The following GBE1 variants were observed in gnomAD, a reference collection of about 807,000 sequenced individuals.
GBE1 encodes the protein 1,4-alpha-glucan-branching enzyme.
In GBE1, 70 loss-of-function variants were observed where a neutral mutation model predicts 88.8. The observed-to-expected ratio is 0.79, with a 90% CI of 0.65 to 0.96. The LOEUF (loss-of-function observed/expected upper bound fraction) is 0.96, where lower values mean the gene tolerates loss of function less well. Among genes scored for constraint, GBE1 ranks in the 40% least tolerant of loss-of-function variants. The pLI, the probability that GBE1 is intolerant of heterozygous loss-of-function variation, is 0.00. For missense variants in GBE1, 872 were observed against 871.0 expected, an observed-to-expected ratio of 1.00 and a Z score of -0.01; for synonymous variants, 284 against 300.1, an observed-to-expected ratio of 0.95 and a Z score of 0.56.
intron 1 of GBE1, among the ~76,000 whole-genome samples, chr3:81,716,821 C>A (rs946241517): frequency 3.9e-5 from 6 of 152,148 alleles, no homozygotes; most frequent in African/African-American, 1.4e-4. Context: ...ATTGACTTTA[C>A]AGTTTACTGA....
chr3:81,537,860 A>G (rs1185419562), intron 12 of GBE1, among the ~76,000 whole-genome samples: 1 of 151,892 alleles, frequency 6.6e-6, no homozygotes, highest in Admixed American at 6.6e-5. Context: ...GATCTATATA[A>G]TATTATCTCT....
chr3:81,660,932 TAC>T (rs1705019726), intron 3 of GBE1, among the ~76,000 whole-genome samples: 1 of 152,206 alleles, frequency 6.6e-6, no homozygotes, highest in Admixed American at 6.5e-5. Flanking sequence ...TTTGAAGGTA[TAC>T]TTGGTCAAAG....
chr3:81,724,177 T>C (rs760015820), intron 1 of GBE1, among the ~76,000 whole-genome samples: 4 of 152,172 alleles, frequency 2.6e-5, no homozygotes, highest in Non-Finnish European at 4.4e-5. Context: ...ATGGCTATAA[T>C]TGAGAAAAGC....
In GBE1 at chr3:81,701,513, G is replaced by GTTT. The variant is rs35771080; in HGVS notation, c.313+3928_313+3930dup. 2.7e-5 allele frequency among the ~76,000 whole-genome samples: 4 copies of GTTT among 147,222 alleles called. No individual in the cohort carries two copies. The Admixed American group carries it at 2.7e-4, about 10-fold the overall frequency. On this transcript the variant is annotated intron_variant, in intron 2 of 15. Coordinates refer to ENST00000429644, the MANE Select transcript of GBE1 (RefSeq NM_000158.4). ...TAAAAAGACCTTTGCAAATAAGAGG[G>GTTT]TTTTTTTTTTAATACTGCCAATTAA...
intron 11 of GBE1, 88 bp downstream of exon 11, chr3:81,581,077 A>C: frequency 2.7e-6 from 2 of 735,322 alleles, no homozygotes; most frequent in Non-Finnish European, 4.6e-6. Context: ...ATATTTCGAT[A>C]TGTTTATATT....
At chr3:81,507,010 C>A (rs1207895845) in intron 14 of GBE1, among the ~76,000 whole-genome samples, 1 of 151,998 alleles carries the variant, frequency 6.6e-6, no homozygotes, top group Non-Finnish European at 1.5e-5. Flanking sequence ...GTACAATGAA[C>A]CCCCATGACA....
At chr3:81,618,167 C>T (rs892238613) in intron 7 of GBE1, among the ~76,000 whole-genome samples, 7 of 151,908 alleles carry the variant, frequency 4.6e-5, no homozygotes, top group Non-Finnish European at 8.8e-5. Context: ...AGTCTGCTGG[C>T]AACAAATTAT....
intron 14 of GBE1, among the ~76,000 whole-genome samples, chr3:81,520,355 A>T (rs1559631928): frequency 1.3e-5 from 2 of 151,568 alleles, no homozygotes; most frequent in Non-Finnish European, 1.5e-5. Context: ...ACTATACTAT[A>T]TTAAACTGAA....
intron 12 of GBE1, among the ~76,000 whole-genome samples, chr3:81,545,049 T>A (rs1332508395): frequency 6.6e-6 from 1 of 152,184 alleles, no homozygotes; most frequent in East Asian, 1.9e-4. Flanking sequence ...AATGAGAATA[T>A]AAAAACGTTA....
chr3:81,576,377 G>C (rs1410523923), intron 12 of GBE1, among the ~76,000 whole-genome samples: 2 of 152,104 alleles, frequency 1.3e-5, no homozygotes, highest in African/African-American at 2.4e-5. Context: ...TGTATCTACA[G>C]ATACATAAGG....
At chr3:81,643,819 T>A (rs1443285666) in intron 6 of GBE1, among the ~76,000 whole-genome samples, 1 of 152,150 alleles carries the variant, frequency 6.6e-6, no homozygotes, top group Non-Finnish European at 1.5e-5. Context: ...GCAAGAGCTG[T>A]CTTTTTAAAC....
intron 2 of GBE1, among the ~76,000 whole-genome samples, chr3:81,678,978 T>C (rs1218838964): frequency 6.6e-6 from 1 of 152,114 alleles, no homozygotes; most frequent in Non-Finnish European, 1.5e-5. Context: ...AAAGTATTAA[T>C]GACGAAATTG....
chr3:81,736,629 G>C (rs972392024), intron 1 of GBE1, among the ~76,000 whole-genome samples: 2 of 152,154 alleles, frequency 1.3e-5, no homozygotes, highest in African/African-American at 4.8e-5. Context: ...GAAATGAGAG[G>C]TAAATGTACA....
chr3:81,742,520 A>G lies in GBE1; in HGVS notation c.143+18855T>C, dbSNP rs2680244. ...TATTTTTGTGAACCAAATAATATCA[A>G]AGAAGGCATAGGCGCCCCATCATTT... On this transcript the variant is annotated intron_variant, in intron 1 of 15. Transcript: ENST00000429644. Among the ~76,000 whole-genome samples, 1,235 of 152,268 alleles carry G rather than the reference A, an allele frequency of 8.1e-3. 13 individuals carry two copies. Among genetic ancestry groups the G allele is most frequent in the African/African-American group, 0.028 (1,180 of 41,564 alleles).
chr3:81,491,670 A>G (rs1339040924), intron 15 of GBE1, among the ~76,000 whole-genome samples: 3 of 152,068 alleles, frequency 2.0e-5, no homozygotes, highest in Non-Finnish European at 2.9e-5. Flanking sequence ...GACTTTGCTG[A>G]TATTTTACTA....
chr3:81,707,804 G>C (rs1409133307), intron 1 of GBE1, among the ~76,000 whole-genome samples: 1 of 151,814 alleles, frequency 6.6e-6, no homozygotes, highest in Non-Finnish European at 1.5e-5. Flanking sequence ...TTTCACTTTA[G>C]TTTCATTGTT....
rs367923481 is a variant in GBE1, at chr3:81,618,116, C to T, written c.993-24093G>A. On this transcript the variant is annotated intron_variant, in intron 7 of 15. Transcript: ENST00000429644. Reference sequence around the variant, plus strand: ...CGTACTTTTACTCTTTCCATTTTTTCTTCTCCATTTCATAGAATGTCCATT... The same window carrying T: ...CGTACTTTTACTCTTTCCATTTTTTTTTCTCCATTTCATAGAATGTCCATT... 8.7e-4 allele frequency among the ~76,000 whole-genome samples: 132 copies of T among 151,998 alleles called. 4 individuals carry two copies. In the South Asian group the frequency reaches 0.026, roughly 30 times the overall value.
chr3:81,699,757 G>A (rs913808372), intron 2 of GBE1, among the ~76,000 whole-genome samples: 4 of 152,040 alleles, frequency 2.6e-5, no homozygotes, highest in Non-Finnish European at 5.9e-5. Context: ...GCCTTCCCCA[G>A]TCCACTGACT....
intron 5 of GBE1, among the ~76,000 whole-genome samples, chr3:81,647,282 G>A (rs1704779112): frequency 6.6e-6 from 1 of 152,048 alleles, no homozygotes; most frequent in African/African-American, 2.4e-5. Flanking sequence ...TATACAGTCA[G>A]CATTAATGCT....
Sources: allele counts gnomAD v4.1 joint callset (sites outside exome capture counted in the v4.1 genomes callset), GRCh38; gene constraint gnomAD v4.1.1; transcripts MANE v1.5; gene names NCBI Gene and HGNC (gene_info 2026-07-23, HGNC 2026-07-21).